RPH3AL: variants seen among roughly 807,000 people sequenced by gnomAD.
RPH3AL encodes rabphilin 3A like (without C2 domains).
Under a neutral mutation model 43.1 loss-of-function variants are expected in RPH3AL, and 38 were observed. The observed-to-expected ratio is 0.88, with a 90% CI of 0.68 to 1.15. The LOEUF is 1.15. Among genes scored for constraint, RPH3AL ranks in the 50% most tolerant of loss-of-function variants. The probability of loss-of-function intolerance (pLI) is 0.00; values close to 1 mark genes in which losing one functional copy is unlikely to be tolerated. For synonymous variants in RPH3AL, 189 were observed against 176.3 expected, an observed-to-expected ratio of 1.07 and a Z score of -0.57; for missense variants, 462 against 423.2, an observed-to-expected ratio of 1.09 and a Z score of -0.81.
At chr17:282,368 G>A (rs1173135399) in intron 5 of RPH3AL, among the ~76,000 whole-genome samples, 5 of 152,188 alleles carry the variant, frequency 3.3e-5, no homozygotes, top group African/African-American at 1.2e-4. Context: ...GTAAACTTTG[G>A]GCCCACGTTA....
intron 5 of RPH3AL, among the ~76,000 whole-genome samples, chr17:285,851 G>T (rs764343499): frequency 6.6e-6 from 1 of 152,092 alleles, no homozygotes; most frequent in Non-Finnish European, 1.5e-5. Flanking sequence ...GCCCCTCAGC[G>T]CGGCTCTATC....
chr17:299,270 G>A (rs2043261682), intron 5 of RPH3AL, among the ~76,000 whole-genome samples: 1 of 145,520 alleles, frequency 6.9e-6, no homozygotes, highest in African/African-American at 2.5e-5. Context: ...TGCTGTCTGA[G>A]CCTGTATGTG....
Position 264,396 on chromosome 17 carries a change from C to T in RPH3AL, c.439-17111G>A, listed in dbSNP as rs1230443233. ...GCACGTTGACAGCAGGATTACCCTT[C>T]GGAGCCGTGCGCGCTGGATGGGGAC... On this transcript the variant is annotated intron_variant, in intron 6 of 9. Transcript: ENST00000331302. The surrounding 1 kb of genome is among the most constrained non-coding windows in gnomAD (Gnocchi z 4.8). Among the ~76,000 whole-genome samples, 1 of 73,448 alleles carries T rather than the reference C, an allele frequency of 1.4e-5. No homozygotes were observed. The highest frequency in any genetic ancestry group is 2.8e-5 in the Non-Finnish European group (1 of 35,604). The allele number at this position is 73,448 out of a possible 152,430, so 48.2% of individuals were successfully genotyped here. A position where few individuals can be genotyped will look rare whatever the true frequency, so the allele number is the denominator to read the frequency against.
At chr17:229,529 G>A (rs372270917) in intron 7 of RPH3AL, among the ~76,000 whole-genome samples, 2 of 152,322 alleles carry the variant, frequency 1.3e-5, no homozygotes, top group East Asian at 3.9e-4. Context: ...CAGGACAAGC[G>A]CTGGGCAAGC....
chr17:228,605 C>G (rs2041158200), intron 7 of RPH3AL, among the ~76,000 whole-genome samples: 1 of 152,204 alleles, frequency 6.6e-6, no homozygotes, highest in African/African-American at 2.4e-5. Flanking sequence ...GATTCCCAAG[C>G]TGGGCTTTGT....
rs1439263467 is a variant in RPH3AL at position 322,675 on chromosome 17, G to A, written c.78-1260C>T. On this transcript the variant is annotated intron_variant, in intron 3 of 9. Transcript: ENST00000331302. The surrounding 1 kb of genome is among the most constrained non-coding windows in gnomAD (Gnocchi z 4.0). ...AAGAGTCCTGGAGGCAGGACCTAGGGCAGCAGGCTGAGGGAGGCGGACCCT... is the reference window on the plus strand; with the variant it reads ...AAGAGTCCTGGAGGCAGGACCTAGGACAGCAGGCTGAGGGAGGCGGACCCT... Among the ~76,000 whole-genome samples the A allele has an allele frequency of 1.3e-5, 2 of 152,134 alleles. No individual in the cohort carries two copies. Among genetic ancestry groups the A allele is most frequent in the African/African-American group, 4.8e-5 (2 of 41,408 alleles).
chr17:269,028 G>C (rs897782596), intron 6 of RPH3AL, among the ~76,000 whole-genome samples: 5 of 152,046 alleles, frequency 3.3e-5, no homozygotes, highest in Non-Finnish European at 7.4e-5. Context: ...ACAGGCGCCC[G>C]CCACCACGCC....
In RPH3AL at chr17:215,625, A is replaced by C; in HGVS notation, c.876+29T>G. On this transcript the variant is annotated intron_variant, in intron 9 of 9. Coordinates refer to ENST00000331302, the MANE Select transcript of RPH3AL (RefSeq NM_006987.4). The surrounding 1 kb of genome is among the most constrained non-coding windows in gnomAD (Gnocchi z 4.1). Reference sequence around the variant, plus strand: ...GAGGACACGGCCGCGGGGGCAGGAGAGGGGAGAAGGCAGCAGTTGGGTACT... The same window carrying C: ...GAGGACACGGCCGCGGGGGCAGGAGCGGGGAGAAGGCAGCAGTTGGGTACT... 1 of 1,259,898 alleles carries C rather than the reference A, an allele frequency of 7.9e-7. No individual in the cohort carries two copies. Among genetic ancestry groups the C allele is most frequent in the East Asian group, 3.1e-5 (1 of 31,770 alleles). 78.0% of individuals were successfully genotyped at this position (1,259,898 alleles called of 1,614,324 possible).
intron 5 of RPH3AL, among the ~76,000 whole-genome samples, chr17:295,973 A>T (rs2043167760): frequency 9.2e-6 from 1 of 108,798 alleles, no homozygotes; most frequent in East Asian, 3.4e-4. Flanking sequence ...GGGAATGCAC[A>T]TCAGTGTGGG....
At chr17:350,633 C>T (rs2045335754) in intron 1 of RPH3AL, among the ~76,000 whole-genome samples, 1 of 152,150 alleles carries the variant, frequency 6.6e-6, no homozygotes, top group South Asian at 2.1e-4. Flanking sequence ...AAGTTCCAAA[C>T]ACAGTATCTG....
chr17:342,244 A>G (rs765923668), intron 1 of RPH3AL, among the ~76,000 whole-genome samples: 2 of 152,222 alleles, frequency 1.3e-5, no homozygotes, highest in Non-Finnish European at 2.9e-5. Context: ...AAACTGGAAC[A>G]CTTGTATCTT....
chr17:335,104 C>T (rs942909603), intron 1 of RPH3AL, among the ~76,000 whole-genome samples: 8 of 152,328 alleles, frequency 5.3e-5, no homozygotes, highest in South Asian at 2.1e-4. Flanking sequence ...GCAGCATACC[C>T]GAGCTCCTGA....
chr17:335,262 C>T (rs940482179), intron 1 of RPH3AL, among the ~76,000 whole-genome samples: 1 of 152,092 alleles, frequency 6.6e-6, no homozygotes, highest in South Asian at 2.1e-4. Context: ...GGAAATGATG[C>T]AGGGTGAACA....
intron 7 of RPH3AL, among the ~76,000 whole-genome samples, chr17:223,317 C>G (rs2041034325): frequency 6.6e-6 from 1 of 152,024 alleles, no homozygotes; most frequent in Non-Finnish European, 1.5e-5. Context: ...CCAAGTACAA[C>G]AGCACAGGAA....
At chr17:273,368 A>G (rs1241123787) in intron 6 of RPH3AL, among the ~76,000 whole-genome samples, 3 of 83,718 alleles carry the variant, frequency 3.6e-5, no homozygotes, top group African/African-American at 1.3e-4. Context: ...GAGAGACCCC[A>G]GCGAGGGTGA....
chr17:317,598 C>T (rs755409027), intron 5 of RPH3AL, among the ~76,000 whole-genome samples: 6 of 152,204 alleles, frequency 3.9e-5, no homozygotes, highest in South Asian at 2.1e-4. Context: ...AGGAGGAGCC[C>T]GCACAGTCTT....
At chr17:352,194 A>C (rs2045367097) in intron 1 of RPH3AL, among the ~76,000 whole-genome samples, 1 of 152,192 alleles carries the variant, frequency 6.6e-6, no homozygotes, top group South Asian at 2.1e-4. Flanking sequence ...AGCCTGCTGC[A>C]GCCCCTGAGC....
chr17:331,621 T>C, intron 2 of RPH3AL: 1 of 1,287,622 alleles, frequency 7.8e-7, no homozygotes. Context: ...GGAGCCAGTT[T>C]CGATTCTCCA....
chr17:242,175 C>G (rs1385589925), intron 7 of RPH3AL, among the ~76,000 whole-genome samples: 3 of 152,096 alleles, frequency 2.0e-5, no homozygotes, highest in Non-Finnish European at 4.4e-5. Context: ...AGGAACCCAC[C>G]TCAGAAACAT....
Sources: gnomAD v4.1 joint callset for allele counts (sites outside exome capture counted in the v4.1 genomes callset) on GRCh38, gnomAD v4.1.1 for gene constraint, Gnocchi (gnomAD v3.1) non-coding constraint, MANE v1.5 for transcripts, NCBI Gene and HGNC (gene_info 2026-07-23, HGNC 2026-07-21) for gene names.